The following PKHD1 variants were observed in gnomAD, a reference collection of about 807,000 sequenced individuals.
The protein encoded by PKHD1 is fibrocystin.
A neutral mutation model predicts 412.0 loss-of-function variants in PKHD1; 291 were observed. The observed-to-expected ratio is 0.71, with a 90% CI of 0.64 to 0.78. PKHD1 has a LOEUF of 0.78. Among genes scored for constraint, PKHD1 ranks in the 30% least tolerant of loss-of-function variants. The pLI, the probability that PKHD1 is intolerant of heterozygous loss-of-function variation, is 0.00. For missense variants in PKHD1, 4,825 were observed against 4,950.7 expected (o/e 0.97, Z 0.76); for synonymous variants, 1,777 against 1,821.5 (o/e 0.98, Z 0.62).
intron 43 of PKHD1, among the ~76,000 whole-genome samples, chr6:51,897,641 A>G (rs1440620669): frequency 1.4e-5 from 2 of 146,220 alleles, no homozygotes; most frequent in Non-Finnish European, 3.0e-5. Context: ...TCATAATGAC[A>G]GGATCAAATT....
At chr6:52,048,705 T>G in intron 22 of PKHD1, 86 bp from the exon 23 acceptor site, 1 of 1,530,536 alleles carries the variant, frequency 6.5e-7, no homozygotes, top group South Asian at 1.1e-5. Context: ...CCTGTCTTGC[T>G]TAGGCTGCAG....
chr6:51,954,825 A>G (rs1360627756), intron 36 of PKHD1, among the ~76,000 whole-genome samples: 2 of 152,036 alleles, frequency 1.3e-5, no homozygotes, highest in Non-Finnish European at 2.9e-5. Context: ...TGACCCTTTC[A>G]TTAATCATTA....
chr6:51,652,947 A>T (rs1771197412), intron 61 of PKHD1, among the ~76,000 whole-genome samples: 1 of 152,146 alleles, frequency 6.6e-6, no homozygotes, highest in African/African-American at 2.4e-5. Flanking sequence ...GACTTGAAAT[A>T]TAAAATGATT....
At chr6:51,957,295 A>C (rs1791294550) in intron 36 of PKHD1, among the ~76,000 whole-genome samples, 6 of 152,018 alleles carry the variant, frequency 3.9e-5, no homozygotes, top group Admixed American at 3.9e-4. Flanking sequence ...TGTAGTTCCT[A>C]CTGGGTCATC....
intron 64 of PKHD1, among the ~76,000 whole-genome samples, chr6:51,637,156 G>A (rs1038487189): frequency 1.3e-5 from 2 of 152,120 alleles, no homozygotes; most frequent in Non-Finnish European, 2.9e-5. Context: ...TAACGTATTT[G>A]GTTAGTCTTA....
chr6:51,971,971 A>G (rs1443524548), intron 35 of PKHD1, among the ~76,000 whole-genome samples: 3 of 152,056 alleles, frequency 2.0e-5, no homozygotes, highest in African/African-American at 7.2e-5. Flanking sequence ...AGCTCAAGCA[A>G]TCCGTCCAGC....
At chr6:51,811,330 G>GA (rs1196537641) in intron 52 of PKHD1, among the ~76,000 whole-genome samples, 4 of 152,020 alleles carry the variant, frequency 2.6e-5, no homozygotes, top group Non-Finnish European at 5.9e-5. Context: ...TTATAAAAGT[G>GA]AAAAAATTGG....
chr6:51,975,059 CTAAA>C (rs915779030), intron 35 of PKHD1, among the ~76,000 whole-genome samples: 51 of 151,620 alleles, frequency 3.4e-4, no homozygotes, highest in African/African-American at 1.2e-3. Flanking sequence ...CAACAGAAAA[CTAAA>C]TAAATAAAAT....
chr6:51,937,190 C>G (rs1214555744), intron 36 of PKHD1, among the ~76,000 whole-genome samples: 3 of 152,186 alleles, frequency 2.0e-5, no homozygotes, highest in Non-Finnish European at 1.5e-5. Flanking sequence ...AACCAATTGC[C>G]AGTCAGAAAA....
intron 52 of PKHD1, among the ~76,000 whole-genome samples, chr6:51,805,429 T>C (rs1406350871): frequency 6.6e-6 from 1 of 152,202 alleles, no homozygotes; most frequent in Non-Finnish European, 1.5e-5. Flanking sequence ...TTGGGTGCTA[T>C]GCTCACTACC....
Position 51,912,522 on chromosome 6 carries a change from T to TCTA in PKHD1, c.6173_6175dup (p.Leu2058_Asp2059insVal). 6.2e-7 allele frequency: 1 copy of TCTA among 1,613,382 alleles called. No individual in the cohort carries two copies. Among genetic ancestry groups the TCTA allele is most frequent in the Non-Finnish European group, 8.5e-7 (1 of 1,179,502 alleles). On this transcript the variant is annotated inframe_insertion, in exon 38 of 67. Transcript: ENST00000371117. Reference sequence around the variant, plus strand: ...AGCATCTTCTAAAGCCAGCACTGTGTCTAGGGCATGGGCAGTTGCTCTAAG... The same window carrying TCTA: ...AGCATCTTCTAAAGCCAGCACTGTGTCTACTAGGGCATGGGCAGTTGCTCTAAG...
At chr6:51,798,563 T>G (rs560910242) in intron 52 of PKHD1, among the ~76,000 whole-genome samples, 36 of 152,232 alleles carry the variant, frequency 2.4e-4, no homozygotes, top group African/African-American at 8.4e-4. Context: ...CATTTTTGCC[T>G]CCATTTTGAC....
At chr6:51,649,003 A>ATG in intron 62 of PKHD1, 82 bp downstream of exon 62, 1 of 1,321,528 alleles carries the variant, frequency 7.6e-7, no homozygotes, top group Non-Finnish European at 1.1e-6. Flanking sequence ...ATGTGTATCA[A>ATG]TGATGACACA....
At chr6:51,744,679 A>G in intron 59 of PKHD1, 137 bp from the exon 60 acceptor site, 2 of 679,274 alleles carry the variant, frequency 2.9e-6, no homozygotes, top group Non-Finnish European at 5.1e-6. Flanking sequence ...TAGATATAAA[A>G]TAAAACTCTT....
intron 36 of PKHD1, among the ~76,000 whole-genome samples, chr6:51,941,241 T>C (rs1788481363): frequency 7.4e-5 from 1 of 13,586 alleles, no homozygotes; most frequent in Non-Finnish European, 1.2e-4. Flanking sequence ...ATGGCCTTTT[T>C]TTTTTTTTTT....
chr6:51,889,327 T>C (rs1778742912), intron 43 of PKHD1, among the ~76,000 whole-genome samples: 1 of 152,144 alleles, frequency 6.6e-6, no homozygotes, highest in African/African-American at 2.4e-5. Context: ...TGCCTTTCTT[T>C]AAAAAACAAT....
chr6:52,083,971 A>T (rs1053332326), intron 2 of PKHD1, among the ~76,000 whole-genome samples: 1 of 138,770 alleles, frequency 7.2e-6, no homozygotes, highest in Non-Finnish European at 1.5e-5. Flanking sequence ...CCTTTTGTTT[A>T]AAAAAAAAAA....
chr6:51,647,053 T>C (rs1370621992), intron 63 of PKHD1, among the ~76,000 whole-genome samples: 2 of 152,220 alleles, frequency 1.3e-5, no homozygotes, highest in African/African-American at 4.8e-5. Flanking sequence ...TCACTTTTCC[T>C]CTTCCCTTGA....
At chr6:52,038,947 C>A (rs557662648) in intron 27 of PKHD1, among the ~76,000 whole-genome samples, 1 of 152,228 alleles carries the variant, frequency 6.6e-6, no homozygotes, top group East Asian at 1.9e-4. Context: ...AGTGAAAAGG[C>A]AACTCACACA....
Sources: allele counts gnomAD v4.1 joint callset (sites outside exome capture counted in the v4.1 genomes callset), GRCh38; gene constraint gnomAD v4.1.1; transcripts MANE v1.5; gene names NCBI Gene and HGNC (gene_info 2026-07-23, HGNC 2026-07-21).